WASHC4: variants seen among roughly 807,000 people sequenced by gnomAD.
WASHC4 encodes the protein WASH complex subunit 4, also known as WASH complex subunit 7.
WASHC4 carries 86 observed loss-of-function variants against 166.6 expected under a neutral mutation model. The observed-to-expected ratio is 0.52, with a 90% CI of 0.43 to 0.62. WASHC4 has a LOEUF of 0.62. Ranked by LOEUF, WASHC4 falls within the 20% of genes least tolerant of loss-of-function variation. WASHC4 has a pLI of 0.00. For missense variants in WASHC4, 1,262 were observed against 1,382.4 expected, an observed-to-expected ratio of 0.91 and a Z score of 1.38; for synonymous variants, 446 against 451.6, an observed-to-expected ratio of 0.99 and a Z score of 0.16.
chr12:105,147,937 G>A, intron 24 of WASHC4: 1 of 985,186 alleles, frequency 1.0e-6, no homozygotes, highest in Non-Finnish European at 1.2e-6. Flanking sequence ...AACGAAATGG[G>A]CATTCACTTG....
At chr12:105,136,658 G>A (rs1200525128) in intron 14 of WASHC4, among the ~76,000 whole-genome samples, 1 of 152,124 alleles carries the variant, frequency 6.6e-6, no homozygotes, top group Admixed American at 6.5e-5. Flanking sequence ...GATCTTTGCT[G>A]TTCCTTGTTT....
At position 105,122,147 on chromosome 12, in the gene WASHC4, C is replaced by A. The variant is rs1464508261; in HGVS notation, c.695C>A (p.Ser232Ter). The change falls in exon 10 of 33, where the codon TCA becomes TAA. Residue 232 changes from serine (S) to a stop codon, truncating the protein, a stop_gained. Transcript: ENST00000332180. LOFTEE classifies it high-confidence loss of function. The stretch of plus-strand genomic sequence containing the variant: ...CTGAAATCTGTCCATCACAATCCTT[C>A]AAAATTTGGAATTCAGGAAGAAAAA... The part of the protein sequence containing the change: ...RLLKSVHHNP[S>*]KFGIQEEKLK... The A allele has an allele frequency of 5.6e-6, 9 of 1,607,294 alleles. No individual in the cohort carries two copies. Among genetic ancestry groups the A allele is most frequent in the Non-Finnish European group, 7.7e-6 (9 of 1,174,454 alleles).
At chr12:105,158,659 G>A (rs576913428) in intron 28 of WASHC4, among the ~76,000 whole-genome samples, 2 of 152,280 alleles carry the variant, frequency 1.3e-5, no homozygotes, top group African/African-American at 2.4e-5. Context: ...GGACATTTGA[G>A]GAATAATTGG....
chr12:105,154,013 C>T (rs778184448), intron 26 of WASHC4, among the ~76,000 whole-genome samples: 2 of 151,180 alleles, frequency 1.3e-5, no homozygotes, highest in Admixed American at 6.6e-5. Flanking sequence ...TCTTTATTCT[C>T]TTCTTAGAAA....
At position 105,167,734 on chromosome 12, in the gene WASHC4, A is replaced by G. The variant is rs1884883099; in HGVS notation, c.*803A>G. 6.6e-6 allele frequency: 1 copy of G among 152,430 alleles called. No individual in the cohort carries two copies. Among genetic ancestry groups the G allele is most frequent in the Non-Finnish European group, 1.5e-5 (1 of 67,950 alleles). The allele number at this position is 152,430 out of a possible 1,614,324, so 9.4% of individuals were successfully genotyped here. ...TTGAATGAATTATTTCTACATCCAAACTCAGGTTTCTTCTACATTAGATTG... is the reference window on the plus strand; with the variant it reads ...TTGAATGAATTATTTCTACATCCAAGCTCAGGTTTCTTCTACATTAGATTG... On this transcript the variant is annotated 3_prime_UTR_variant, in exon 33 of 33. Transcript: ENST00000332180.
intron 14 of WASHC4, among the ~76,000 whole-genome samples, chr12:105,136,932 C>T (rs897133280): frequency 1.3e-5 from 2 of 152,038 alleles, no homozygotes; most frequent in African/African-American, 2.4e-5. Flanking sequence ...CCACTGTTTC[C>T]GATGGGAGAA....
At chr12:105,148,182 T>C in intron 24 of WASHC4, 2 of 985,058 alleles carry the variant, frequency 2.0e-6, no homozygotes, top group Non-Finnish European at 2.4e-6. Flanking sequence ...AGCCAATGAG[T>C]GATATGATTG....
At chr12:105,122,265 C>G (rs754786881) in intron 10 of WASHC4, 27 bp downstream of exon 10, 6 of 1,606,736 alleles carry the variant, frequency 3.7e-6, no homozygotes, top group Non-Finnish European at 3.4e-6. Flanking sequence ...CAGACTGTAA[C>G]AGTGGGGCTC....
chr12:105,139,425 G>GTGTGTGTGTGTGTGTATATATATATATA, intron 15 of WASHC4, among the ~76,000 whole-genome samples: 17 of 103,216 alleles, frequency 1.6e-4, no homozygotes, highest in South Asian at 3.7e-4. Flanking sequence ...ATGTGTGTGT[G>GTGTGTGTGTGTGTGTATATATATATATA]TATATATATA....
At chr12:105,118,150 G>A (rs1221452429) in intron 6 of WASHC4, among the ~76,000 whole-genome samples, 1 of 152,114 alleles carries the variant, frequency 6.6e-6, no homozygotes, top group Non-Finnish European at 1.5e-5. Context: ...ATTCAAAGAA[G>A]GAATGAGACA....
intron 28 of WASHC4, among the ~76,000 whole-genome samples, chr12:105,158,728 CAG>C (rs535522132): frequency 4.6e-5 from 7 of 152,050 alleles, no homozygotes; most frequent in African/African-American, 1.4e-4. Context: ...TTGGGTATAA[CAG>C]TGTTTTGTGG....
chr12:105,163,846 A>T (rs1476824260), intron 30 of WASHC4, among the ~76,000 whole-genome samples: 1 of 151,784 alleles, frequency 6.6e-6, no homozygotes, highest in Non-Finnish European at 1.5e-5. Context: ...TCTCCTGGTG[A>T]TTTATATGGC....
rs929187470 is a variant in WASHC4 at position 105,146,162 on chromosome 12, GAC to G, written c.2335-288_2335-287del. 6.4e-4 allele frequency among the ~76,000 whole-genome samples: 98 copies of G among 152,190 alleles called. 1 individual carries two copies. The highest frequency in any genetic ancestry group is 2.3e-3 in the African/African-American group (96 of 41,562). ...AAAATGTAGAGAAGATTGTTGAAGA[GAC>G]AAATATTCTCAAGGCTGGTGGGGAG... is the stretch of plus-strand genomic sequence containing the variant. On this transcript the variant is annotated intron_variant, in intron 22 of 32. Coordinates refer to ENST00000332180, the MANE Select transcript of WASHC4 (RefSeq NM_015275.3).
chr12:105,166,400 T>G (rs577254836), intron 32 of WASHC4, among the ~76,000 whole-genome samples: 47 of 152,278 alleles, frequency 3.1e-4, no homozygotes, highest in Middle Eastern at 3.4e-3. Context: ...TTTATTATAA[T>G]AAGTTATAAA....
chr12:105,117,588 C>T (rs1391368141), intron 6 of WASHC4, among the ~76,000 whole-genome samples: 1 of 152,076 alleles, frequency 6.6e-6, no homozygotes, highest in African/African-American at 2.4e-5. Flanking sequence ...TTAAAAAATA[C>T]TTTACATCAT....
At chr12:105,144,686 G>C (rs1268023666) in intron 21 of WASHC4, 32 bp from the exon 22 acceptor site, 1 of 1,584,538 alleles carries the variant, frequency 6.3e-7, no homozygotes, top group East Asian at 2.2e-5. Flanking sequence ...CTTTTCTACT[G>C]TTTCACAAGT....
At position 105,132,258 on chromosome 12, in the gene WASHC4, G is replaced by A. The variant is rs1488385752; in HGVS notation, c.1200-1512G>A. ...ATCTTAGCTCACTGCAATCTCTTCC[G>A]CCTCCCGGGTTTAAGCAATTCTCTT... On this transcript the variant is annotated intron_variant, in intron 13 of 32. Coordinates refer to ENST00000332180, the MANE Select transcript of WASHC4 (RefSeq NM_015275.3). Among the ~76,000 whole-genome samples, 12 of 152,250 alleles carry A rather than the reference G, an allele frequency of 7.9e-5. No homozygotes were observed. In the South Asian group the frequency reaches 8.3e-4, roughly 11 times the overall value.
chr12:105,107,793 C>A lies in WASHC4; in HGVS notation c.-8C>A. 1.3e-6 allele frequency: 2 copies of A among 1,550,064 alleles called. No individual in the cohort carries two copies. Among genetic ancestry groups the A allele is most frequent in the Non-Finnish European group, 1.7e-6 (2 of 1,145,822 alleles). Reference sequence around the variant, plus strand: ...GTTGGGGCTGTGTCTGTGGGAGGCGCCGGGGTGATGGCGGTGGAGACTCTG... The same window carrying A: ...GTTGGGGCTGTGTCTGTGGGAGGCGACGGGGTGATGGCGGTGGAGACTCTG... On this transcript the variant is annotated 5_prime_UTR_variant, in exon 1 of 33. Coordinates refer to ENST00000332180, the MANE Select transcript of WASHC4 (RefSeq NM_015275.3).
At chr12:105,118,049 C>A (rs1457664871) in intron 6 of WASHC4, among the ~76,000 whole-genome samples, 1 of 152,172 alleles carries the variant, frequency 6.6e-6, no homozygotes, top group Non-Finnish European at 1.5e-5. Flanking sequence ...AGCTTTTGAG[C>A]TCCTTCACTC....
Sources: allele counts gnomAD v4.1 joint callset (sites outside exome capture counted in the v4.1 genomes callset), GRCh38; gene constraint gnomAD v4.1.1; transcripts MANE v1.5; gene names NCBI Gene and HGNC (gene_info 2026-07-23, HGNC 2026-07-21).